SMG6: variants seen among roughly 807,000 people sequenced by gnomAD.
SMG6 encodes the protein SMG6 nonsense mediated mRNA decay factor.
A neutral mutation model predicts 142.2 loss-of-function variants in SMG6; 66 were observed. The ratio of observed to expected loss-of-function variants is 0.46; its 90% CI spans 0.38 to 0.57. SMG6 has a LOEUF of 0.57. Ranked by LOEUF, SMG6 falls within the 20% of genes least tolerant of loss-of-function variation. The pLI is 0.00. For synonymous variants in SMG6, 779 were observed against 702.4 expected (o/e 1.11, Z -1.72); for missense variants, 1,793 against 1,832.0 (o/e 0.98, Z 0.39).
chr17:2,134,419 CAAAAAAAAAAAAAAAAA>C (rs58429166), intron 13 of SMG6, among the ~76,000 whole-genome samples: 4 of 28,726 alleles, frequency 1.4e-4, no homozygotes, highest in East Asian at 2.5e-3. Context: ...GACTCCATCT[CAAAAAAAAAAAAAAAAA>C]AAAAAAAAAA....
intron 12 of SMG6, among the ~76,000 whole-genome samples, chr17:2,186,023 T>G (rs2071971103): frequency 1.3e-5 from 2 of 151,788 alleles, no homozygotes; most frequent in African/African-American, 4.8e-5. Flanking sequence ...CTCAAGAGTT[T>G]AAGACCAGCC....
At chr17:2,274,378 A>G (rs936165310) in intron 8 of SMG6, among the ~76,000 whole-genome samples, 35 of 152,302 alleles carry the variant, frequency 2.3e-4, no homozygotes, top group Admixed American at 1.5e-3. Context: ...TTCTACTCCA[A>G]AAACTCAGGG....
intron 8 of SMG6, among the ~76,000 whole-genome samples, chr17:2,252,170 T>G (rs1234362098): frequency 6.6e-6 from 1 of 151,760 alleles, no homozygotes; most frequent in African/African-American, 2.4e-5. Context: ...TCCCAGCACT[T>G]TGGGAGGCTG....
intron 10 of SMG6, among the ~76,000 whole-genome samples, chr17:2,198,175 C>A (rs1293453484): frequency 6.6e-6 from 1 of 152,154 alleles, no homozygotes; most frequent in Non-Finnish European, 1.5e-5. Context: ...GAATGAACAA[C>A]CAATACGTGC....
chr17:2,297,796 G>C, intron 3 of SMG6, 67 bp downstream of exon 3: 1 of 1,531,240 alleles, frequency 6.5e-7, no homozygotes, highest in Admixed American at 1.9e-5. Context: ...ATTTCAGGTA[G>C]TAAAAATCCA....
rs1222080145 is a variant in SMG6 at position 2,230,323 on chromosome 17, AAAAAAAAAAAAAAG to A, written c.2869+6155_2869+6168del. On this transcript the variant is annotated intron_variant, in intron 10 of 18. Coordinates refer to ENST00000263073, the MANE Select transcript of SMG6 (RefSeq NM_017575.5). ...GTCGGGGCAAAAAAAAAAAAAAAAAAAAAAAAAAAAAAAGGGAAAACCACAAACAATCAAATTGA... is the reference window on the plus strand; with the variant it reads ...GTCGGGGCAAAAAAAAAAAAAAAAAAGGAAAACCACAAACAATCAAATTGA... Among the ~76,000 whole-genome samples the A allele has an allele frequency of 4.3e-3, 516 of 119,154 alleles. 20 individuals are homozygous for A. The highest frequency in any genetic ancestry group is 6.1e-3 in the Non-Finnish European group (353 of 57,716). 78.2% of individuals were successfully genotyped at this position (119,154 alleles called of 152,430 possible).
At chr17:2,152,042 T>C (rs2070842830) in intron 13 of SMG6, among the ~76,000 whole-genome samples, 1 of 152,234 alleles carries the variant, frequency 6.6e-6, no homozygotes, top group South Asian at 2.1e-4. Context: ...TGGAATATAC[T>C]ACGGGCAAGA....
At chr17:2,241,148 T>C (rs2073791555) in intron 9 of SMG6, among the ~76,000 whole-genome samples, 1 of 152,198 alleles carries the variant, frequency 6.6e-6, no homozygotes, top group Non-Finnish European at 1.5e-5. Flanking sequence ...CCGTAAGTCA[T>C]TTCTTAGGAA....
chr17:2,267,749 T>C lies in SMG6; in HGVS notation c.2661+14898A>G, dbSNP rs2074453484. ...TATGTATTTTTAATTATTTTTATTA[T>C]TATTTTTTTTTTTTTTGAGACAGAG... On this transcript the variant is annotated intron_variant, in intron 8 of 18. Coordinates refer to ENST00000263073, the MANE Select transcript of SMG6 (RefSeq NM_017575.5). 2.7e-5 allele frequency among the ~76,000 whole-genome samples: 3 copies of C among 112,530 alleles called. 1 individual carries two copies. In the South Asian group the frequency reaches 1.0e-3, roughly 38 times the overall value. The allele number at this position is 112,530 out of a possible 152,430, so 73.8% of individuals were successfully genotyped here. A position where few individuals can be genotyped will look rare whatever the true frequency, so the allele number is the denominator to read the frequency against.
intron 18 of SMG6, among the ~76,000 whole-genome samples, 171 bp downstream of exon 18, chr17:2,064,902 C>T (rs988876215): frequency 3.3e-5 from 5 of 151,506 alleles, no homozygotes; most frequent in African/African-American, 4.8e-5. Context: ...TTCCCTGGGG[C>T]TGGGGGAGCC....
At chr17:2,151,838 CG>C (rs990235837) in intron 13 of SMG6, among the ~76,000 whole-genome samples, 4 of 152,128 alleles carry the variant, frequency 2.6e-5, no homozygotes, top group African/African-American at 9.7e-5. Flanking sequence ...TCCATTGCCT[CG>C]GGGGCCTGTC....
chr17:2,220,431 G>T (rs1484799916), intron 10 of SMG6, among the ~76,000 whole-genome samples: 1 of 152,166 alleles, frequency 6.6e-6, no homozygotes, highest in Non-Finnish European at 1.5e-5. Flanking sequence ...AGGAGTTTGA[G>T]ACTAGCTTGG....
chr17:2,170,160 C>G (rs2071459118), intron 13 of SMG6, among the ~76,000 whole-genome samples: 1 of 152,088 alleles, frequency 6.6e-6, no homozygotes. Context: ...GTTTGACATA[C>G]CTATTTCACA....
chr17:2,178,467 A>C (rs2071711439), intron 12 of SMG6, among the ~76,000 whole-genome samples: 1 of 152,136 alleles, frequency 6.6e-6, no homozygotes, highest in South Asian at 2.1e-4. Context: ...TTGGGAGAGT[A>C]CTCACCCTAA....
In SMG6 at chr17:2,241,830, T is replaced by C. The variant is rs568173358; in HGVS notation, c.2723+2828A>G. ...TAACCTGATAAAAATATATCCTAAA[T>C]GTTCCTACATTCTGCACCAAGATTT... On this transcript the variant is annotated intron_variant, in intron 9 of 18. Coordinates refer to ENST00000263073, the MANE Select transcript of SMG6 (RefSeq NM_017575.5). Among the ~76,000 whole-genome samples the C allele has an allele frequency of 2.6e-5, 4 of 152,352 alleles. No individual in the cohort carries two copies. The South Asian group carries it at 6.2e-4, about 24-fold the overall frequency.
chr17:2,183,731 A>T (rs1273436809), intron 12 of SMG6, among the ~76,000 whole-genome samples: 1 of 148,762 alleles, frequency 6.7e-6, no homozygotes, highest in Non-Finnish European at 1.5e-5. Context: ...CTGATCCCTG[A>T]TACAGGTGCG....
chr17:2,174,580 G>A (rs1322019001), intron 12 of SMG6, among the ~76,000 whole-genome samples: 2 of 152,018 alleles, frequency 1.3e-5, no homozygotes, highest in Admixed American at 6.6e-5. Flanking sequence ...ATCACACAAC[G>A]GCACATAATC....
At chr17:2,100,241 T>C (rs562775455) in intron 13 of SMG6, among the ~76,000 whole-genome samples, 2 of 152,342 alleles carry the variant, frequency 1.3e-5, no homozygotes, top group Admixed American at 6.5e-5. Context: ...TTTTGCCATG[T>C]TGGCCAGGCT....
At chr17:2,289,372 C>T (rs899088807) in intron 6 of SMG6, among the ~76,000 whole-genome samples, 5 of 151,884 alleles carry the variant, frequency 3.3e-5, no homozygotes, top group South Asian at 2.1e-4. Flanking sequence ...GCCTGGGCAA[C>T]GGAGTGAGAT....
Sources: gnomAD v4.1 joint callset for allele counts (sites outside exome capture counted in the v4.1 genomes callset) on GRCh38, gnomAD v4.1.1 for gene constraint, MANE v1.5 for transcripts, NCBI Gene and HGNC (gene_info 2026-07-23, HGNC 2026-07-21) for gene names.